DENND1A: variants seen among roughly 807,000 people sequenced by gnomAD.
DENND1A encodes DENN domain-containing protein 1A.
Under a neutral mutation model 113.7 loss-of-function variants are expected in DENND1A, and 51 were observed. The ratio of observed to expected loss-of-function variants is 0.45; its 90% CI spans 0.36 to 0.57. The LOEUF (loss-of-function observed/expected upper bound fraction) is 0.57. Among genes scored for constraint, DENND1A ranks in the 20% least tolerant of loss-of-function variants. DENND1A has a pLI of 0.00. For missense variants in DENND1A, 1,258 were observed against 1,395.9 expected, an observed-to-expected ratio of 0.90 and a Z score of 1.57; for synonymous variants, 565 against 570.8, an observed-to-expected ratio of 0.99 and a Z score of 0.14.
intron 1 of DENND1A, among the ~76,000 whole-genome samples, chr9:123,904,372 G>A (rs530520313): frequency 6.6e-6 from 1 of 151,980 alleles, no homozygotes; most frequent in African/African-American, 2.4e-5. Context: ...GATGGAGAAT[G>A]ACTTTGACAA....
chr9:123,521,325 C>T (rs770011460), intron 13 of DENND1A, among the ~76,000 whole-genome samples: 5 of 152,120 alleles, frequency 3.3e-5, no homozygotes, highest in Non-Finnish European at 7.4e-5. Flanking sequence ...CAAATAAGCC[C>T]GTGGGAGGCA....
intron 21 of DENND1A, among the ~76,000 whole-genome samples, chr9:123,394,028 G>T (rs1399356252): frequency 2.0e-5 from 3 of 150,238 alleles, no homozygotes; most frequent in Non-Finnish European, 2.9e-5. Flanking sequence ...GTCTCACTCT[G>T]TTGCCCAGGC....
At chr9:123,553,699 T>C (rs906316543) in intron 13 of DENND1A, among the ~76,000 whole-genome samples, 4 of 152,174 alleles carry the variant, frequency 2.6e-5, no homozygotes, top group Non-Finnish European at 5.9e-5. Flanking sequence ...CTGCCACCAC[T>C]GTATCTCACC....
chr9:123,840,574 A>G (rs894861064), intron 2 of DENND1A, among the ~76,000 whole-genome samples: 2 of 152,230 alleles, frequency 1.3e-5, no homozygotes, highest in Non-Finnish European at 2.9e-5. Flanking sequence ...TAGCTGACAC[A>G]TGAAAGGTAC....
At position 123,382,316 on chromosome 9, in the gene DENND1A, G is replaced by T; in HGVS notation, c.2329C>A (p.Pro777Thr). 2.5e-6 allele frequency: 4 copies of T among 1,610,300 alleles called. No homozygotes were observed. Among genetic ancestry groups the T allele is most frequent in the Non-Finnish European group, 3.4e-6 (4 of 1,179,084 alleles). ...KTPELGIVPP[P>T]PIPRPAKLQA... ...AGCTTGGCCGGGCGGGGAATGGGCG[G>T]TGGAGGCACGATGCCCAGCTCTGGG... The change falls in exon 24 of 24, where the codon CCG (proline) becomes ACG (threonine). Residue 777 changes from proline (P) to threonine (T), a missense_variant. Physicochemically the swap from Pro to Thr is conservative, Grantham distance 38. Around this residue, in one of 2 missense-constraint regions of DENND1A, gnomAD observed 1,159 missense variants for 1,231.7 expected, o/e 0.94. Coordinates refer to ENST00000394215, the MANE Select transcript of DENND1A (RefSeq NM_001352964.2).
intron 9 of DENND1A, among the ~76,000 whole-genome samples, chr9:123,642,669 G>C (rs1180143689): frequency 6.6e-6 from 1 of 152,234 alleles, no homozygotes; most frequent in Non-Finnish European, 1.5e-5. Flanking sequence ...CTTGAGCACA[G>C]TTTGAAACAA....
At chr9:123,413,801 G>C in intron 19 of DENND1A, 1 of 985,410 alleles carries the variant, frequency 1.0e-6, no homozygotes, top group Non-Finnish European at 1.2e-6. Flanking sequence ...CTGGCTTACA[G>C]GAAGTGTGTG....
chr9:123,531,776 G>T (rs2055343756), intron 13 of DENND1A, among the ~76,000 whole-genome samples: 3 of 152,022 alleles, frequency 2.0e-5, no homozygotes, highest in African/African-American at 7.3e-5. Flanking sequence ...CTTAAAAATG[G>T]TAGCCTACTT....
At chr9:123,752,376 C>A (rs909782162) in intron 5 of DENND1A, among the ~76,000 whole-genome samples, 1 of 152,094 alleles carries the variant, frequency 6.6e-6, no homozygotes, top group Non-Finnish European at 1.5e-5. Context: ...ATTTAGACAG[C>A]ATCTTGAGGA....
chr9:123,393,907 C>T (rs915578918), intron 21 of DENND1A, among the ~76,000 whole-genome samples: 7 of 152,088 alleles, frequency 4.6e-5, no homozygotes, highest in Non-Finnish European at 8.8e-5. Flanking sequence ...CCACTGGGGA[C>T]TTGCTTTGCC....
At chr9:123,550,364 G>A (rs1162951133) in intron 13 of DENND1A, among the ~76,000 whole-genome samples, 3 of 152,242 alleles carry the variant, frequency 2.0e-5, no homozygotes, top group Non-Finnish European at 4.4e-5. Flanking sequence ...GGCCCAGAGA[G>A]GGCCACACAA....
At chr9:123,600,499 G>T (rs900545125) in intron 11 of DENND1A, among the ~76,000 whole-genome samples, 1 of 152,162 alleles carries the variant, frequency 6.6e-6, no homozygotes, top group Non-Finnish European at 1.5e-5. Flanking sequence ...GGCCAAAGTG[G>T]CATGCACATT....
At chr9:123,880,448 A>C (rs1160141369) in intron 1 of DENND1A, among the ~76,000 whole-genome samples, 1 of 152,270 alleles carries the variant, frequency 6.6e-6, no homozygotes, top group Admixed American at 6.5e-5. Context: ...AATAAAAATC[A>C]TGTAGCAGAA....
At chr9:123,492,685 T>C (rs2051482186) in intron 13 of DENND1A, 1 of 152,210 alleles carries the variant, frequency 6.6e-6, no homozygotes, top group Non-Finnish European at 1.5e-5. Flanking sequence ...ATCATGGAGC[T>C]GGCAAATCAT....
At chr9:123,772,439 T>C (rs1235099016) in intron 3 of DENND1A, among the ~76,000 whole-genome samples, 1 of 152,178 alleles carries the variant, frequency 6.6e-6, no homozygotes, top group Admixed American at 6.6e-5. Context: ...ACTTGTGTCT[T>C]TGGCTAGGGC....
At chr9:123,802,721 A>T (rs75980230) in intron 2 of DENND1A, among the ~76,000 whole-genome samples, 3,529 of 144,902 alleles carry the variant, frequency 0.024, 149 homozygotes, top group African/African-American at 0.084. Context: ...TTTTTTTTTG[A>T]CACAGAGTTT....
chr9:123,592,451 A>G (rs1228082981), intron 11 of DENND1A, among the ~76,000 whole-genome samples: 1 of 152,214 alleles, frequency 6.6e-6, no homozygotes, highest in Non-Finnish European at 1.5e-5. Flanking sequence ...CCTGTGCCTC[A>G]GTTTCCCTAT....
Position 123,567,877 on chromosome 9 carries a change from C to T in DENND1A, c.868-10182G>A, listed in dbSNP as rs540372912. Among the ~76,000 whole-genome samples the T allele has an allele frequency of 2.0e-5, 3 of 152,294 alleles. No individual in the cohort carries two copies. The East Asian group carries it at 5.8e-4, about 29-fold the overall frequency. ...ATAGAGGTGTAGAAATTTTAACCAT[C>T]AGTTCACAGCTAGAAATTGAAATTC... On this transcript the variant is annotated intron_variant, in intron 12 of 23. Transcript: ENST00000394215.
rs1433483367 is a variant in DENND1A at position 123,403,697 on chromosome 9, C to G, written c.1543-207G>C. ...ATTAACTGGAATTCTGTGGCCTATT[C>G]AAATCAGAAGGGTGCTCCTGGAAAG... On this transcript the variant is annotated intron_variant, in intron 20 of 23. Transcript: ENST00000394215. 5.2e-6 allele frequency: 3 copies of G among 574,440 alleles called. No homozygotes were observed. In the East Asian group the frequency reaches 8.9e-5, roughly 17 times the overall value. 35.6% of individuals were successfully genotyped at this position (574,440 alleles called of 1,614,324 possible). A position where few individuals can be genotyped will look rare whatever the true frequency, so the allele number is the denominator to read the frequency against.
Sources: allele counts gnomAD v4.1 joint callset (sites outside exome capture counted in the v4.1 genomes callset), GRCh38; gene constraint gnomAD v4.1.1; regional missense constraint gnomAD v4.1.1; transcripts MANE v1.5; gene names NCBI Gene and HGNC (gene_info 2026-07-23, HGNC 2026-07-21).